Variants in CTSO observed in about 807,000 individuals in gnomAD.
CTSO encodes cathepsin O.
Under a neutral mutation model 42.4 loss-of-function variants are expected in CTSO, and 40 were observed. The ratio of observed to expected loss-of-function variants is 0.94; its 90% CI spans 0.73 to 1.23. The LOEUF is 1.23. Among genes scored for constraint, CTSO ranks in the 50% most tolerant of loss-of-function variants. CTSO has a pLI of 0.00. For synonymous variants in CTSO, 156 were observed against 146.2 expected (o/e 1.07, Z -0.48); for missense variants, 441 against 396.0 (o/e 1.11, Z -0.96).
chr4:155,934,732 C>T (rs1743300784), intron 5 of CTSO, among the ~76,000 whole-genome samples: 2 of 152,218 alleles, frequency 1.3e-5, no homozygotes, highest in African/African-American at 2.4e-5. Context: ...TTGTTTTGGC[C>T]AATTTCTCCC....
At chr4:155,944,955 TAAAA>T (rs34358651) in intron 1 of CTSO, among the ~76,000 whole-genome samples, 2 of 117,622 alleles carry the variant, frequency 1.7e-5, no homozygotes, top group Non-Finnish European at 3.4e-5. Flanking sequence ...TGTGATTGAT[TAAAA>T]AAAAAAAAAA....
At chr4:155,953,393 G>A (rs1417350096) in intron 1 of CTSO, among the ~76,000 whole-genome samples, 1 of 152,210 alleles carries the variant, frequency 6.6e-6, no homozygotes, top group Non-Finnish European at 1.5e-5. Context: ...ATTGCTAAAA[G>A]GGGGTGCTTC....
intron 5 of CTSO, among the ~76,000 whole-genome samples, chr4:155,931,854 A>G (rs1743240495): frequency 6.6e-6 from 1 of 150,826 alleles, no homozygotes; most frequent in Non-Finnish European, 1.5e-5. Flanking sequence ...ATTATTCATT[A>G]TTATTATAAT....
Position 155,937,449 on chromosome 4 carries a change from G to A in CTSO, c.587C>T (p.Pro196Leu). Residue 196 changes from proline (P) to leucine (L), a missense_variant, in exon 5 of 8, where the codon CCT becomes CTT. Pro to Leu is a moderately conservative substitution (Grantham distance 98). Transcript: ENST00000433477. ...QVKLVKDSEY[P>L]FKAQNGLCHY... ...GCACAGACCATTTTGTGCTTTAAAAGGATATTCTGAATCTTTCACCAGTTT... is the reference window on the plus strand; with the variant it reads ...GCACAGACCATTTTGTGCTTTAAAAAGATATTCTGAATCTTTCACCAGTTT... 1 of 1,613,042 alleles carries A rather than the reference G, an allele frequency of 6.2e-7. No individual in the cohort carries two copies.
chr4:155,929,991 T>C (rs1303812247), intron 5 of CTSO, among the ~76,000 whole-genome samples: 1 of 152,194 alleles, frequency 6.6e-6, no homozygotes, highest in African/African-American at 2.4e-5. Flanking sequence ...ATTTAACACA[T>C]ATTTAAGACA....
chr4:155,943,394 G>T, intron 1 of CTSO, 130 bp from the exon 2 acceptor site: 2 of 543,238 alleles, frequency 3.7e-6, no homozygotes, highest in Non-Finnish European at 6.6e-6. Flanking sequence ...ACAATGTAAA[G>T]TTGTATAAGA....
chr4:155,938,331 G>A (rs1158412185), intron 4 of CTSO, among the ~76,000 whole-genome samples: 1 of 152,220 alleles, frequency 6.6e-6, no homozygotes. Context: ...AGTGTGTACA[G>A]AGCAGGTCCT....
intron 1 of CTSO, among the ~76,000 whole-genome samples, chr4:155,952,882 C>T (rs1211315217): frequency 6.6e-6 from 1 of 152,046 alleles, no homozygotes. Context: ...ATGATAATGG[C>T]ATCTTTCATG....
At chr4:155,953,007 A>G (rs1252393834) in intron 1 of CTSO, among the ~76,000 whole-genome samples, 1 of 151,934 alleles carries the variant, frequency 6.6e-6, no homozygotes, top group African/African-American at 2.4e-5. Flanking sequence ...GTGCTCAGCT[A>G]ACTGGTCCCT....
Position 155,928,270 on chromosome 4 carries a change from T to G in CTSO, c.931+66A>C. 3.3e-6 allele frequency: 4 copies of G among 1,212,784 alleles called. No homozygotes were observed. The South Asian group carries it at 5.8e-5, about 18-fold the overall frequency. The allele number at this position is 1,212,784 out of a possible 1,614,324, so 75.1% of individuals were successfully genotyped here. A position where few individuals can be genotyped will look rare whatever the true frequency, so the allele number is the denominator to read the frequency against. ...TAAAGTGGTTTGAGTAGATTGTAAC[T>G]CTAAAATATTCAAATAATCTCCTTA... On this transcript the variant is annotated intron_variant, in intron 7 of 7. Transcript: ENST00000433477.
chr4:155,953,178 C>A (rs1412622096), intron 1 of CTSO, among the ~76,000 whole-genome samples: 1 of 151,988 alleles, frequency 6.6e-6, no homozygotes, highest in East Asian at 1.9e-4. Context: ...TAAAGTGGTG[C>A]GTTAGTTTAA....
Position 155,925,681 on chromosome 4 carries a change from T to A in CTSO, c.*355A>T, listed in dbSNP as rs1743117901. ...TTCTTATGACCTCTTTGATCCCACC[T>A]GAAATATCTCACAATAAACAAACAA... On this transcript the variant is annotated 3_prime_UTR_variant, in exon 8 of 8. Coordinates refer to ENST00000433477, the MANE Select transcript of CTSO (RefSeq NM_001334.3). 4.1e-6 allele frequency: 1 copy of A among 244,804 alleles called. No individual in the cohort carries two copies. The allele number at this position is 244,804 out of a possible 1,614,324, so 15.2% of individuals were successfully genotyped here.
At chr4:155,951,098 A>G (rs1743665648) in intron 1 of CTSO, among the ~76,000 whole-genome samples, 1 of 152,194 alleles carries the variant, frequency 6.6e-6, no homozygotes, top group African/African-American at 2.4e-5. Context: ...ATATTCCTAA[A>G]TATATAAATA....
rs1478794987 is a variant in CTSO at position 155,939,637 on chromosome 4, G to A, written c.385-99C>T. The stretch of plus-strand genomic sequence containing the variant: ...GTTATCAAATCAAGTAAGGCTTCCA[G>A]ATTCTGGAAACCTACAAAATAAATA... On this transcript the variant is annotated intron_variant, in intron 3 of 7. Coordinates refer to ENST00000433477, the MANE Select transcript of CTSO (RefSeq NM_001334.3). 1.4e-5 allele frequency: 16 copies of A among 1,115,724 alleles called. No individual in the cohort carries two copies. The Admixed American group carries it at 2.7e-4, about 19-fold the overall frequency. 69.1% of individuals were successfully genotyped at this position (1,115,724 alleles called of 1,614,324 possible).
At position 155,935,092 on chromosome 4, in the gene CTSO, G is replaced by C. The variant is rs551971815; in HGVS notation, c.674+2270C>G. Among the ~76,000 whole-genome samples, 4 of 152,208 alleles carry C rather than the reference G, an allele frequency of 2.6e-5. No individual in the cohort carries two copies. In the South Asian group the frequency reaches 8.3e-4, roughly 32 times the overall value. Reference sequence around the variant, plus strand: ...GAGGTAATTGAATTCATGGGGGCTGGTCTTTCCCATGCTATTCTTGTGATA... The same window carrying C: ...GAGGTAATTGAATTCATGGGGGCTGCTCTTTCCCATGCTATTCTTGTGATA... On this transcript the variant is annotated intron_variant, in intron 5 of 7. Transcript: ENST00000433477.
chr4:155,951,553 C>T (rs1370111376), intron 1 of CTSO, among the ~76,000 whole-genome samples: 2 of 152,166 alleles, frequency 1.3e-5, no homozygotes, highest in East Asian at 1.9e-4. Flanking sequence ...TTTCATTTAA[C>T]GTGCATTCCT....
At chr4:155,928,200 A>AG (rs1743164154) in intron 7 of CTSO, 136 bp downstream of exon 7, 1 of 373,366 alleles carries the variant, frequency 2.7e-6, no homozygotes, top group Admixed American at 8.1e-5. Flanking sequence ...CTTGCAAAAC[A>AG]CTTTTTTTTT....
Position 155,924,953 on chromosome 4 carries a change from G to T in CTSO, c.*1083C>A. 6.6e-6 allele frequency: 1 copy of T among 152,506 alleles called. No individual in the cohort carries two copies. The allele number at this position is 152,506 out of a possible 1,614,324, so 9.4% of individuals were successfully genotyped here. On this transcript the variant is annotated 3_prime_UTR_variant, in exon 8 of 8. Transcript: ENST00000433477. ...GCAGTTCGGATGGGAGACCAGGAAA[G>T]CTGAGGGGAAAACTGGGAAACAGAT...
chr4:155,940,919 T>C (rs1743418869), intron 3 of CTSO, among the ~76,000 whole-genome samples: 2 of 114,282 alleles, frequency 1.8e-5, no homozygotes, highest in Non-Finnish European at 4.0e-5. Context: ...ACAAGGGCAG[T>C]TCCTGCTTAA....
Sources: gnomAD v4.1 joint callset for allele counts (sites outside exome capture counted in the v4.1 genomes callset) on GRCh38, gnomAD v4.1.1 for gene constraint, MANE v1.5 for transcripts, NCBI Gene and HGNC (gene_info 2026-07-23, HGNC 2026-07-21) for gene names.